The following TTN variants were observed in gnomAD, a reference collection of about 807,000 sequenced individuals.
The protein encoded by TTN is connectin.
A neutral mutation model predicts 3,223.0 loss-of-function variants in TTN; 1,525 were observed. That is an observed-to-expected ratio of 0.47 (90% CI 0.45 to 0.49). The LOEUF (loss-of-function observed/expected upper bound fraction) is 0.49. Ranked by LOEUF, TTN falls within the 20% of genes least tolerant of loss-of-function variation. TTN has a pLI of 0.00. For synonymous variants in TTN, 14,094 were observed against 15,161.0 expected, an observed-to-expected ratio of 0.93 and a Z score of 5.17; for missense variants, 40,786 against 43,424.0, an observed-to-expected ratio of 0.94 and a Z score of 5.40.
intron 47 of TTN, chr2:178,749,557 A>T: frequency 6.2e-7 from 1 of 1,612,864 alleles, no homozygotes; most frequent in Non-Finnish European, 8.5e-7. Context: ...GTGCCCTTAC[A>T]GATTCTCCCT....
Position 178,636,915 on chromosome 2 carries a change from A to G in TTN, c.40928-116T>C. On this transcript the variant is annotated intron_variant, in intron 224 of 362. Coordinates refer to ENST00000589042, the MANE Select transcript of TTN (RefSeq NM_001267550.2). The surrounding 1 kb of genome is among the most constrained non-coding windows in gnomAD (Gnocchi z 4.3). ...AAAGCAATTAGAAGACGAGAAAACT[A>G]AAGACCAGGCAATTGAAAGGCCAAT... The G allele has an allele frequency of 8.2e-7, 1 of 1,223,430 alleles. No individual in the cohort carries two copies. Among genetic ancestry groups the G allele is most frequent in the East Asian group, 2.5e-5 (1 of 39,954 alleles). The allele number at this position is 1,223,430 out of a possible 1,614,324, so 75.8% of individuals were successfully genotyped here.
intron 6 of TTN, among the ~76,000 whole-genome samples, chr2:178,795,602 T>C (rs1443552282): frequency 1.3e-5 from 2 of 152,160 alleles, no homozygotes; most frequent in Non-Finnish European, 2.9e-5. Flanking sequence ...AACCTCTGTA[T>C]TCCAAATTCA....
chr2:178,703,978 C>G (rs1037282616), intron 106 of TTN, among the ~76,000 whole-genome samples, 169 bp downstream of exon 106: 1 of 152,180 alleles, frequency 6.6e-6, no homozygotes, highest in Non-Finnish European at 1.5e-5. Flanking sequence ...GAATATTTCC[C>G]TTGTGCTTTT....
chr2:178,560,041 G>A lies in TTN; in HGVS notation c.86091C>T (p.Asp28697=). The change falls in exon 326 of 363, where the codon GAC becomes GAT. Residue 28697 remains aspartate (D), a synonymous_variant. Coordinates refer to ENST00000589042, the MANE Select transcript of TTN (RefSeq NM_001267550.2). The part of the protein sequence containing the change: ...TVEYKKSDDT[D]WKTSIQSLRG... ...GTAAGCTCTGAATGGAAGTTTTCCAGTCAGTGTCATCAGATTTTTTGTATT... is the reference window on the plus strand; with the variant it reads ...GTAAGCTCTGAATGGAAGTTTTCCAATCAGTGTCATCAGATTTTTTGTATT... 1.2e-6 allele frequency: 2 copies of A among 1,613,682 alleles called. No individual in the cohort carries two copies. The highest frequency in any genetic ancestry group is 1.7e-6 in the Non-Finnish European group (2 of 1,179,790).
In TTN at chr2:178,541,405, G is replaced by A. The variant is rs727505090; in HGVS notation, c.97672C>T (p.Arg32558Trp). Residue 32558 changes from arginine (R) to tryptophan (W), a missense_variant, in exon 350 of 363, where the codon CGG becomes TGG. Physicochemically the swap from Arg to Trp is moderately radical, Grantham distance 101 (BLOSUM62 -3). Coordinates refer to ENST00000589042, the MANE Select transcript of TTN (RefSeq NM_001267550.2). ...TCAGTAAGGCCAGTGGAGCGGTACC[G>A]TGTCATTGTCACAGGTACTTTATTT... ...RVNKVPVTMT[R>W]YRSTGLTEGL... The A allele has an allele frequency of 5.0e-6, 8 of 1,612,648 alleles. No individual in the cohort carries two copies. The highest frequency in any genetic ancestry group is 3.3e-5 in the Admixed American group (2 of 59,934).
At position 178,733,522 on chromosome 2, in the gene TTN, A is replaced by G. The variant is rs565481472; in HGVS notation, c.15776-5T>C. On this transcript the variant is annotated splice_polypyrimidine_tract_variant and splice_region_variant and intron_variant, in intron 53 of 362. Transcript: ENST00000589042. ...GCTCAATGATTTTGGCAGGTTCTAC[A>G]ATGGTATGAAATAGTTAGCACCCTA... 2.5e-6 allele frequency: 4 copies of G among 1,606,296 alleles called. No homozygotes were observed. In the South Asian group the frequency reaches 3.3e-5, roughly 13 times the overall value.
Position 178,553,681 on chromosome 2 carries a change from T to C in TTN, c.89324A>G (p.Gln29775Arg). The C allele has an allele frequency of 6.2e-7, 1 of 1,613,894 alleles. No individual in the cohort carries two copies. Among genetic ancestry groups the C allele is most frequent in the South Asian group, 1.1e-5 (1 of 91,090 alleles). Reference sequence around the variant, plus strand: ...AGTAGTCCATTCCTCTTCCTCTCCTTGTCTTATCTCGACAACATACCCAGT... The same window carrying C: ...AGTAGTCCATTCCTCTTCCTCTCCTCGTCTTATCTCGACAACATACCCAGT... ...AVTGYVVEIRQGEEEEWTTVS... is the reference protein window; with the variant it reads ...AVTGYVVEIRRGEEEEWTTVS... The change falls in exon 334 of 363, where the codon CAA becomes CGA. Residue 29775 changes from glutamine (Q) to arginine (R), a missense_variant. Physicochemically the swap from Gln to Arg is conservative, Grantham distance 43 (BLOSUM62 1). Coordinates refer to ENST00000589042, the MANE Select transcript of TTN (RefSeq NM_001267550.2).
chr2:178,559,231 T>C (rs919349326), intron 326 of TTN, 80 bp downstream of exon 326: 1 of 1,316,356 alleles, frequency 7.6e-7, no homozygotes, highest in African/African-American at 1.5e-5. Flanking sequence ...TAAGATGAAA[T>C]AACGACTAAT....
At chr2:178,583,964 A>T in intron 311 of TTN, 58 bp from the exon 312 acceptor site, 2 of 1,424,222 alleles carry the variant, frequency 1.4e-6, no homozygotes, top group Non-Finnish European at 1.9e-6. Context: ...TTAAACTTCC[A>T]TATTTCACAT....
chr2:178,683,035 C>G, intron 134 of TTN, 132 bp from the exon 135 acceptor site: 1 of 1,051,020 alleles, frequency 9.5e-7, no homozygotes, highest in East Asian at 2.6e-5. Context: ...CCTGACTGTT[C>G]TTTTTTGGCC....
chr2:178,629,810 A>G (rs1011723372), intron 239 of TTN, among the ~76,000 whole-genome samples: 2 of 152,090 alleles, frequency 1.3e-5, no homozygotes, highest in Non-Finnish European at 2.9e-5. Flanking sequence ...CCTATCCATC[A>G]AACACTTTGC....
intron 47 of TTN, chr2:178,750,519 A>G: frequency 2.5e-6 from 4 of 1,612,766 alleles, no homozygotes; most frequent in Non-Finnish European, 3.4e-6. Context: ...ACAAAATTAC[A>G]ACTGTCACCT....
At position 178,532,466 on chromosome 2, in the gene TTN, C is replaced by T. The variant is rs377131772; in HGVS notation, c.104149G>A (p.Val34717Ile). ...TCTTTTCTTGTTTCCTCCACCTTGA[C>T]ATGAGCTTGTGGTGAAGAGTAACGT... ...SLRYSSPQAHVKVEETRKDFR... is the reference protein window; with the variant it reads ...SLRYSSPQAHIKVEETRKDFR... The change falls in exon 358 of 363, where the codon GTC becomes ATC. Residue 34717 changes from valine to isoleucine, a missense_variant. By Grantham distance (29) the Val-to-Ile change is conservative. Transcript: ENST00000589042. 6.2e-7 allele frequency: 1 copy of T among 1,614,002 alleles called. No individual in the cohort carries two copies. Among genetic ancestry groups the T allele is most frequent in the Middle Eastern group, 1.7e-4 (1 of 6,060 alleles).
chr2:178,715,979 GTAT>G (rs1434973694), intron 88 of TTN, among the ~76,000 whole-genome samples: 2 of 152,052 alleles, frequency 1.3e-5, no homozygotes, highest in African/African-American at 2.4e-5. Context: ...TCCACATCAA[GTAT>G]TATTACTAAA....
At chr2:178,722,638 T>G (rs779397403) in intron 76 of TTN, 21 bp downstream of exon 76, 1 of 1,592,792 alleles carries the variant, frequency 6.3e-7, no homozygotes, top group African/African-American at 1.4e-5. Flanking sequence ...AGAATTTTTT[T>G]AATTTGTAAA....
rs761612554 is a variant in TTN at position 178,593,759 on chromosome 2, T to C, written c.58541A>G (p.Asn19514Ser). 1.9e-6 allele frequency: 3 copies of C among 1,613,262 alleles called. No homozygotes were observed. Among genetic ancestry groups the C allele is most frequent in the Non-Finnish European group, 2.5e-6 (3 of 1,179,602 alleles). ...PLDDGGSKIT[N>S]YIIEKKEVGK... ...CACTTCCTTCTTCTCAATAATATAA[T>C]TGGTGATTTTACTGCCTCCATCATC... Residue 19514 changes from asparagine (N) to serine (S), a missense_variant, in exon 298 of 363, where the codon AAT becomes AGT. Asn to Ser is a conservative substitution (Grantham distance 46). Coordinates refer to ENST00000589042, the MANE Select transcript of TTN (RefSeq NM_001267550.2).
In TTN at chr2:178,578,708, A is replaced by G. The variant is rs1236494480; in HGVS notation, c.68232T>C (p.Pro22744=). ...PIVARHPFDV[P]DAPPPPNIVD... is the part of the protein sequence containing the mutation. ...CAATATTGGGAGGTGGGGGAGCATCAGGCACATCTAGAAAAAAGTAGATAA... is the reference window on the plus strand; with the variant it reads ...CAATATTGGGAGGTGGGGGAGCATCGGGCACATCTAGAAAAAAGTAGATAA... The change falls in exon 321 of 363, where the codon CCT becomes CCC. Residue 22744 remains proline (P), a synonymous_variant. Transcript: ENST00000589042. The G allele has an allele frequency of 2.5e-6, 4 of 1,610,018 alleles. No individual in the cohort carries two copies. Among genetic ancestry groups the G allele is most frequent in the Middle Eastern group, 1.7e-4 (1 of 6,040 alleles).
rs2080612987 is a variant in TTN at position 178,731,972 on chromosome 2, C to T, written c.16904-1G>A. The T allele has an allele frequency of 1.2e-6, 2 of 1,601,370 alleles. No homozygotes were observed. The highest frequency in any genetic ancestry group is 1.7e-6 in the Non-Finnish European group (2 of 1,171,690). On this transcript the variant is annotated splice_acceptor_variant, in intron 57 of 362. Coordinates refer to ENST00000589042, the MANE Select transcript of TTN (RefSeq NM_001267550.2). LOFTEE classifies it high-confidence loss of function. ...AATTCCTTGGTAAAATAAGGTGACT[C>T]TACAGTAAAAAAGGAATGATTTGCA... is the stretch of plus-strand genomic sequence containing the variant.
chr2:178,623,984 T>C (rs1406383828), intron 242 of TTN, among the ~76,000 whole-genome samples: 1 of 151,976 alleles, frequency 6.6e-6, no homozygotes, highest in Non-Finnish European at 1.5e-5. Context: ...TGCTTTGTCA[T>C]ATTACAGCAG....
Sources: gnomAD v4.1 joint callset for allele counts (sites outside exome capture counted in the v4.1 genomes callset) on GRCh38, gnomAD v4.1.1 for gene constraint, Gnocchi (gnomAD v3.1) non-coding constraint, MANE v1.5 for transcripts, NCBI Gene and HGNC (gene_info 2026-07-23, HGNC 2026-07-21) for gene names.